The following SIAH1 variants were observed in gnomAD, a reference collection of about 807,000 sequenced individuals.
The protein encoded by SIAH1 is E3 ubiquitin-protein ligase SIAH1.
SIAH1 carries 2 observed loss-of-function variants against 20.0 expected under a neutral mutation model. The observed-to-expected ratio is 0.10, with a 90% CI of 0.04 to 0.31. The LOEUF (loss-of-function observed/expected upper bound fraction) is 0.31. SIAH1 is among the 10% of genes least tolerant of loss of function. The pLI is 1.00. For missense variants in SIAH1, 119 were observed against 355.3 expected (o/e 0.33, Z 5.35); for synonymous variants, 118 against 125.3 (o/e 0.94, Z 0.39).
chr16:48,384,970 G>A (rs891552072), intron 1 of SIAH1, among the ~76,000 whole-genome samples: 87 of 146,396 alleles, frequency 5.9e-4, no homozygotes, highest in African/African-American at 2.0e-3. Flanking sequence ...CCGGGCCCGG[G>A]GCTCCAGGGG....
At chr16:48,382,795 ATT>A (rs1961332813) in intron 1 of SIAH1, among the ~76,000 whole-genome samples, 1 of 152,212 alleles carries the variant, frequency 6.6e-6, no homozygotes, top group Non-Finnish European at 1.5e-5. Flanking sequence ...ATCTTTAAAA[ATT>A]TTGTAAATCA....
At chr16:48,383,437 CCAA>C (rs911995575) in intron 1 of SIAH1, among the ~76,000 whole-genome samples, 3 of 152,300 alleles carry the variant, frequency 2.0e-5, no homozygotes, top group East Asian at 1.9e-4. Flanking sequence ...ATAATTTGAG[CCAA>C]CAACTCCCAG....
chr16:48,372,408 G>A (rs1478763886), intron 1 of SIAH1, among the ~76,000 whole-genome samples: 1 of 152,088 alleles, frequency 6.6e-6, no homozygotes, highest in Non-Finnish European at 1.5e-5. Flanking sequence ...CTAAGATTCT[G>A]TTCACAAGGA....
At chr16:48,384,705 G>A (rs1383536394) in intron 1 of SIAH1, among the ~76,000 whole-genome samples, 2 of 151,292 alleles carry the variant, frequency 1.3e-5, no homozygotes, top group Admixed American at 6.6e-5. Flanking sequence ...GGTGCGGCCC[G>A]GGCCTCCGGG....
At chr16:48,371,038 C>T (rs1294796397) in intron 1 of SIAH1, among the ~76,000 whole-genome samples, 1 of 150,576 alleles carries the variant, frequency 6.6e-6, no homozygotes, top group African/African-American at 2.4e-5. Flanking sequence ...CGCTTGAACC[C>T]GGGAGGGGGA....
intron 1 of SIAH1, among the ~76,000 whole-genome samples, chr16:48,382,901 CAT>C (rs941904704): frequency 4.6e-5 from 7 of 152,126 alleles, no homozygotes; most frequent in Non-Finnish European, 7.4e-5. Context: ...TTCAAAACAC[CAT>C]ACTCACTGAA....
intron 1 of SIAH1, chr16:48,363,120 T>C (rs1960669637): frequency 6.0e-6 from 1 of 167,064 alleles, no homozygotes; most frequent in Non-Finnish European, 1.5e-5. Context: ...CAGGTTTTGG[T>C]ATGGAGAAGG....
chr16:48,384,553 T>C (rs1163042563), intron 1 of SIAH1, among the ~76,000 whole-genome samples: 2 of 152,012 alleles, frequency 1.3e-5, no homozygotes, highest in African/African-American at 4.8e-5. Context: ...TCTAACGACA[T>C]AAACAAGGGA....
intron 1 of SIAH1, among the ~76,000 whole-genome samples, chr16:48,376,257 TAC>T (rs1264966985): frequency 1.3e-5 from 2 of 152,166 alleles, no homozygotes; most frequent in African/African-American, 2.4e-5. Flanking sequence ...CAAAAAATAT[TAC>T]ACTTAAAAAT....
chr16:48,380,160 G>A (rs1961234892), intron 1 of SIAH1, among the ~76,000 whole-genome samples: 1 of 152,220 alleles, frequency 6.6e-6, no homozygotes, highest in African/African-American at 2.4e-5. Flanking sequence ...ATGCAAACCT[G>A]GCCGAACACG....
In SIAH1 at chr16:48,381,736, T is replaced by C. The variant is rs533857557; in HGVS notation, c.-3+3468A>G. On this transcript the variant is annotated intron_variant, in intron 1 of 1. Transcript: ENST00000394725. ...TATGGTGACAATAAAAGAAAGAAGATAAGTGGTTGGGGGTGTGGGGACAAA... is the reference window on the plus strand; with the variant it reads ...TATGGTGACAATAAAAGAAAGAAGACAAGTGGTTGGGGGTGTGGGGACAAA... Among the ~76,000 whole-genome samples, 9 of 152,292 alleles carry C rather than the reference T, an allele frequency of 5.9e-5. No homozygotes were observed. The East Asian group carries it at 1.2e-3, about 20-fold the overall frequency.
intron 1 of SIAH1, among the ~76,000 whole-genome samples, chr16:48,369,812 A>C (rs1179347065): frequency 6.6e-6 from 1 of 152,264 alleles, no homozygotes; most frequent in Non-Finnish European, 1.5e-5. Context: ...CACTAGGCAC[A>C]ATAAAGATTG....
Position 48,362,540 on chromosome 16 carries a change from T to C in SIAH1, c.-2-110A>G. The stretch of plus-strand genomic sequence containing the variant: ...TTTTAAAGTTTCATACAAAATTTAC[T>C]GAGCAAAAGAGGAAGAAAAATAGGA... On this transcript the variant is annotated intron_variant, in intron 1 of 1. Transcript: ENST00000394725. This position sits in a 1 kb window ranked among gnomAD's most constrained non-coding sequence, Gnocchi z 4.2. 1.8e-6 allele frequency: 2 copies of C among 1,107,812 alleles called. No individual in the cohort carries two copies. The highest frequency in any genetic ancestry group is 1.6e-5 in the South Asian group (1 of 64,308). The allele number at this position is 1,107,812 out of a possible 1,614,324, so 68.6% of individuals were successfully genotyped here. A position where few individuals can be genotyped will look rare whatever the true frequency, so the allele number is the denominator to read the frequency against.
At chr16:48,377,282 C>T (rs558084948) in intron 1 of SIAH1, among the ~76,000 whole-genome samples, 12 of 151,848 alleles carry the variant, frequency 7.9e-5, no homozygotes, top group Non-Finnish European at 1.5e-4. Context: ...ACAAAAAAAA[C>T]AAGTCAGTTC....
intron 1 of SIAH1, among the ~76,000 whole-genome samples, chr16:48,385,000 G>T (rs1035624617): frequency 3.4e-5 from 5 of 147,454 alleles, no homozygotes; most frequent in Non-Finnish European, 7.6e-5. Context: ...GCCGGCTTGC[G>T]AAGGCTGAAG....
chr16:48,362,617 G>GATA lies in SIAH1; in HGVS notation c.-2-188_-2-187insTAT. 1.6e-6 allele frequency: 1 copy of GATA among 607,708 alleles called. No homozygotes were observed. 37.6% of individuals were successfully genotyped at this position (607,708 alleles called of 1,614,324 possible). On this transcript the variant is annotated intron_variant, in intron 1 of 1. Transcript: ENST00000394725. The surrounding 1 kb of genome is among the most constrained non-coding windows in gnomAD (Gnocchi z 4.2). ...TTACACTGAATGTGCACTTTATTAG[G>GATA]ATCTGTACACTGGATAAGCTCTCTT...
chr16:48,380,302 G>T (rs1456992764), intron 1 of SIAH1, among the ~76,000 whole-genome samples: 1 of 151,884 alleles, frequency 6.6e-6, no homozygotes, highest in Non-Finnish European at 1.5e-5. Flanking sequence ...AGCCGAGCAC[G>T]GTGGGCTCGT....
intron 1 of SIAH1, chr16:48,363,740 ATTAT>A (rs1960708912): frequency 6.0e-6 from 1 of 167,100 alleles, no homozygotes; most frequent in Non-Finnish European, 1.5e-5. Context: ...AGTAATAAAC[ATTAT>A]TTAACAGGTA....
chr16:48,381,845 C>T (rs1357641924), intron 1 of SIAH1, among the ~76,000 whole-genome samples: 1 of 152,090 alleles, frequency 6.6e-6, no homozygotes, highest in East Asian at 1.9e-4. Flanking sequence ...AAAATGTACG[C>T]CACTATAATC....
Sources: allele counts gnomAD v4.1 joint callset (sites outside exome capture counted in the v4.1 genomes callset), GRCh38; gene constraint gnomAD v4.1.1; non-coding constraint Gnocchi (gnomAD v3.1); transcripts MANE v1.5; gene names NCBI Gene and HGNC (gene_info 2026-07-23, HGNC 2026-07-21).